AKAP19: variants seen among roughly 807,000 people sequenced by gnomAD.
AKAP19 encodes the protein small A-kinase anchoring protein.
chr2:189,908,026 A>G, the AKAP19 span, among the ~76,000 whole-genome samples: 2 of 151,634 alleles, frequency 1.3e-5, no homozygotes, highest in African/African-American at 2.4e-5. Flanking sequence ...GATCTTTTCC[A>G]TTGTCTTTCT....
the AKAP19 span, among the ~76,000 whole-genome samples, chr2:189,980,822 T>C: frequency 2.0e-5 from 3 of 152,320 alleles, no homozygotes; most frequent in South Asian, 4.1e-4. Flanking sequence ...CCATGTATTT[T>C]TGTGGTTTTG....
At chr2:189,885,997 C>T in the AKAP19 span, among the ~76,000 whole-genome samples, 167 of 152,036 alleles carry the variant, frequency 1.1e-3, 6 homozygotes, top group South Asian at 0.03. Context: ...TTAGTAGAGA[C>T]GGGGTTTCAC....
chr2:189,960,131 GATCATT>G, the AKAP19 span, among the ~76,000 whole-genome samples: 1 of 152,136 alleles, frequency 6.6e-6, no homozygotes. Flanking sequence ...TCACGTGTTT[GATCATT>G]ATCTGATAAC....
At chr2:190,119,412 GC>G in the AKAP19 span, among the ~76,000 whole-genome samples, 1 of 152,138 alleles carries the variant, frequency 6.6e-6, no homozygotes, top group African/African-American at 2.4e-5. Context: ...CATTCACGTA[GC>G]CCCCAGAAAA....
the AKAP19 span, among the ~76,000 whole-genome samples, chr2:189,927,808 A>G: frequency 6.6e-6 from 1 of 152,200 alleles, no homozygotes; most frequent in Admixed American, 6.5e-5. Context: ...ATATGTGGCT[A>G]TTTAAATAAA....
the AKAP19 span, among the ~76,000 whole-genome samples, chr2:189,941,887 A>G: frequency 6.6e-6 from 1 of 152,228 alleles, no homozygotes; most frequent in Non-Finnish European, 1.5e-5. Flanking sequence ...GGATAAAGAA[A>G]CAAGATGCAA....
chr2:190,144,060 T>G, the AKAP19 span, among the ~76,000 whole-genome samples: 1 of 144,936 alleles, frequency 6.9e-6, no homozygotes, highest in East Asian at 2.1e-4. Flanking sequence ...TTGGGAGATA[T>G]ACCTAATGGT....
the AKAP19 span, chr2:189,923,621 G>T: frequency 6.2e-7 from 1 of 1,613,996 alleles, no homozygotes; most frequent in African/African-American, 1.3e-5. Flanking sequence ...AGGAAAAGCA[G>T]GTGTGAAACG....
At chr2:189,950,381 G>C in the AKAP19 span, among the ~76,000 whole-genome samples, 2 of 148,668 alleles carry the variant, frequency 1.3e-5, no homozygotes, top group East Asian at 3.9e-4. Flanking sequence ...TGAACCTTAG[G>C]TGCAGTAGTG....
chr2:190,189,472 A>AGAT, the AKAP19 span, among the ~76,000 whole-genome samples: 3 of 152,226 alleles, frequency 2.0e-5, no homozygotes, highest in African/African-American at 4.8e-5. Context: ...ATTAGTAAGC[A>AGAT]GATGTGATAA....
the AKAP19 span, among the ~76,000 whole-genome samples, chr2:189,949,373 G>A: frequency 1.3e-5 from 2 of 152,048 alleles, no homozygotes; most frequent in Non-Finnish European, 2.9e-5. Context: ...CCAAGATGGT[G>A]AAACCTCATC....
At chr2:190,014,059 G>C in the AKAP19 span, among the ~76,000 whole-genome samples, 2 of 151,960 alleles carry the variant, frequency 1.3e-5, no homozygotes, top group Non-Finnish European at 2.9e-5. Flanking sequence ...GGCACTTATT[G>C]CTATAAATGT....
At chr2:189,934,274 T>G in the AKAP19 span, among the ~76,000 whole-genome samples, 1 of 152,088 alleles carries the variant, frequency 6.6e-6, no homozygotes, top group Non-Finnish European at 1.5e-5. Context: ...GCACACATTG[T>G]TTAGCCATTT....
chr2:189,931,433 C>T, the AKAP19 span, among the ~76,000 whole-genome samples: 2 of 152,096 alleles, frequency 1.3e-5, no homozygotes, highest in African/African-American at 4.8e-5. Context: ...GCGATCATAG[C>T]TCATATTAAC....
chr2:190,000,054 T>C, the AKAP19 span, among the ~76,000 whole-genome samples: 2 of 152,226 alleles, frequency 1.3e-5, no homozygotes, highest in Non-Finnish European at 2.9e-5. Flanking sequence ...GTACAGGAAC[T>C]AAGACACCTT....
chr2:189,945,686 T>C, the AKAP19 span, among the ~76,000 whole-genome samples: 1 of 152,192 alleles, frequency 6.6e-6, no homozygotes, highest in Non-Finnish European at 1.5e-5. Context: ...CATTGTAAAT[T>C]ATAGATTGGC....
the AKAP19 span, among the ~76,000 whole-genome samples, chr2:189,949,631 C>CTTTTTTT: frequency 2.5e-5 from 3 of 117,776 alleles, no homozygotes; most frequent in Non-Finnish European, 3.6e-5. Flanking sequence ...CTTTTTCTTT[C>CTTTTTTT]TTTTTTTTTT....
At chr2:190,057,743 C>T in the AKAP19 span, 2 of 1,228,468 alleles carry the variant, frequency 1.6e-6, no homozygotes, top group East Asian at 2.4e-5. Context: ...TAATTTTGCT[C>T]ATACCACATT....
the AKAP19 span, among the ~76,000 whole-genome samples, chr2:190,039,683 C>A: frequency 1.3e-5 from 2 of 152,034 alleles, no homozygotes; most frequent in Non-Finnish European, 2.9e-5. Flanking sequence ...ACCCTCTCCC[C>A]TCAAGTAGAC....
Sources: allele counts gnomAD v4.1 joint callset (sites outside exome capture counted in the v4.1 genomes callset), GRCh38; gene constraint gnomAD v4.1.1; transcripts MANE v1.5; gene names NCBI Gene and HGNC (gene_info 2026-07-23, HGNC 2026-07-21).